SAMTOR: variants seen among roughly 807,000 people sequenced by gnomAD.
The protein encoded by SAMTOR is S-adenosylmethionine sensor upstream of mTORC1.
the SAMTOR span, among the ~76,000 whole-genome samples, chr7:112,838,704 C>T: frequency 6.6e-6 from 1 of 151,620 alleles, no homozygotes; most frequent in Non-Finnish European, 1.5e-5. Flanking sequence ...TTTGAGCATA[C>T]TATTCTAAAG....
chr7:112,861,749 G>T, the SAMTOR span, among the ~76,000 whole-genome samples: 7 of 152,138 alleles, frequency 4.6e-5, no homozygotes, highest in Admixed American at 2.0e-4. Flanking sequence ...ACTAGGGTAA[G>T]GAACTAAATA....
chr7:112,875,964 TAG>T, the SAMTOR span, among the ~76,000 whole-genome samples: 9 of 152,222 alleles, frequency 5.9e-5, 1 homozygote, highest in South Asian at 1.9e-3. Context: ...CCAAATGTAG[TAG>T]AGACTTTTTT....
chr7:112,926,842 C>G, the SAMTOR span, among the ~76,000 whole-genome samples: 1 of 152,012 alleles, frequency 6.6e-6, no homozygotes, highest in Non-Finnish European at 1.5e-5. Context: ...GCAAGGCATC[C>G]TGGACCCAAA....
At chr7:112,868,949 C>T in the SAMTOR span, among the ~76,000 whole-genome samples, 1 of 152,172 alleles carries the variant, frequency 6.6e-6, no homozygotes, top group African/African-American at 2.4e-5. Context: ...CGGGCTGCTT[C>T]CTTGGTTGGT....
the SAMTOR span, among the ~76,000 whole-genome samples, chr7:112,845,392 A>C: frequency 6.6e-6 from 1 of 152,218 alleles, no homozygotes; most frequent in African/African-American, 2.4e-5. Context: ...ACAAATTTAC[A>C]AGAAAAAACA....
the SAMTOR span, among the ~76,000 whole-genome samples, chr7:112,868,593 T>G: frequency 6.6e-6 from 1 of 151,932 alleles, no homozygotes; most frequent in Non-Finnish European, 1.5e-5. Flanking sequence ...CTGCAGGCAT[T>G]TTCCCAGACC....
chr7:112,888,066 C>T, the SAMTOR span, among the ~76,000 whole-genome samples: 14 of 152,224 alleles, frequency 9.2e-5, no homozygotes, highest in East Asian at 2.7e-3. Flanking sequence ...GCATTCAATG[C>T]TACATATTTC....
At chr7:112,922,724 C>T in the SAMTOR span, among the ~76,000 whole-genome samples, 8 of 151,438 alleles carry the variant, frequency 5.3e-5, no homozygotes, top group South Asian at 1.0e-3. Context: ...GCCCGGCAGC[C>T]GCCCTGTCTG....
At chr7:112,871,138 G>C in the SAMTOR span, among the ~76,000 whole-genome samples, 1 of 152,068 alleles carries the variant, frequency 6.6e-6, no homozygotes, top group African/African-American at 2.4e-5. Flanking sequence ...TAAAATTCTG[G>C]ACTTAAATTT....
the SAMTOR span, among the ~76,000 whole-genome samples, chr7:112,847,778 C>CAAAAAAAAAAAA: frequency 6.6e-6 from 1 of 151,372 alleles, no homozygotes; most frequent in African/African-American, 2.5e-5. Context: ...AACTCTGTCT[C>CAAAAAAAAAAAA]AAAAGAAAAG....
At chr7:112,939,868 G>T in the SAMTOR span, 253 of 763,018 alleles carry the variant, frequency 3.3e-4, no homozygotes, top group African/African-American at 3.5e-3. Context: ...CAGAGGAACC[G>T]GAGCGACAGC....
At chr7:112,828,144 A>G in the SAMTOR span, among the ~76,000 whole-genome samples, 13 of 152,298 alleles carry the variant, frequency 8.5e-5, no homozygotes, top group African/African-American at 3.1e-4. Flanking sequence ...CATTTTATCT[A>G]TATTAAAAAC....
At chr7:112,906,168 G>A in the SAMTOR span, among the ~76,000 whole-genome samples, 1 of 152,164 alleles carries the variant, frequency 6.6e-6, no homozygotes, top group Non-Finnish European at 1.5e-5. Context: ...CTTCATTATT[G>A]TGAAATCACC....
the SAMTOR span, chr7:112,821,573 T>C: frequency 9.0e-6 from 5 of 555,396 alleles, no homozygotes; most frequent in Admixed American, 1.4e-4. Flanking sequence ...AAGCTTTCTA[T>C]ATAAGAATAA....
the SAMTOR span, among the ~76,000 whole-genome samples, chr7:112,848,122 C>T: frequency 6.6e-6 from 1 of 152,104 alleles, no homozygotes; most frequent in Non-Finnish European, 1.5e-5. Flanking sequence ...TACTGAGCTC[C>T]AGCCTGGGCA....
the SAMTOR span, among the ~76,000 whole-genome samples, chr7:112,852,858 G>A: frequency 6.6e-6 from 1 of 151,870 alleles, no homozygotes; most frequent in Non-Finnish European, 1.5e-5. Flanking sequence ...TCCTGGCACT[G>A]TCAGATCCAA....
the SAMTOR span, among the ~76,000 whole-genome samples, chr7:112,928,277 C>T: frequency 4.3e-4 from 65 of 152,072 alleles, no homozygotes; most frequent in African/African-American, 1.5e-3. Flanking sequence ...TGATATTATT[C>T]TTTCTTTATG....
the SAMTOR span, among the ~76,000 whole-genome samples, chr7:112,861,725 A>G: frequency 6.6e-6 from 1 of 152,224 alleles, no homozygotes; most frequent in African/African-American, 2.4e-5. Context: ...AAGTGGACCT[A>G]CTGTCTGATG....
At chr7:112,922,851 G>C in the SAMTOR span, among the ~76,000 whole-genome samples, 1 of 144,368 alleles carries the variant, frequency 6.9e-6, no homozygotes, top group African/African-American at 2.6e-5. Flanking sequence ...ACCCCCGCCC[G>C]GCCAGCCACC....
Sources: allele counts gnomAD v4.1 joint callset (sites outside exome capture counted in the v4.1 genomes callset), GRCh38; gene constraint gnomAD v4.1.1; transcripts MANE v1.5; gene names NCBI Gene and HGNC (gene_info 2026-07-23, HGNC 2026-07-21).